The following MPPED2 variants were observed in gnomAD, a reference collection of about 807,000 sequenced individuals.
The protein encoded by MPPED2 is metallophosphoesterase domain containing 2.
A neutral mutation model predicts 33.0 loss-of-function variants in MPPED2; 5 were observed. The observed-to-expected ratio is 0.15, with a 90% CI of 0.08 to 0.32. The LOEUF (loss-of-function observed/expected upper bound fraction) is 0.32. MPPED2 is among the 10% of genes least tolerant of loss of function. MPPED2 has a pLI of 1.00. For missense variants in MPPED2, 275 were observed against 372.1 expected (o/e 0.74, Z 2.15); for synonymous variants, 136 against 141.9 (o/e 0.96, Z 0.29).
exon 7 of MPPED2, chr11:30,386,666 T>C: frequency 2.5e-6 from 1 of 398,510 alleles, no homozygotes; most frequent in South Asian, 1.3e-4. Flanking sequence ...CCCAAATAAA[T>C]GAATGAACAG....
intron 4 of MPPED2, among the ~76,000 whole-genome samples, chr11:30,428,408 T>C (rs1948937976): frequency 6.6e-6 from 1 of 152,138 alleles, no homozygotes; most frequent in Admixed American, 6.5e-5. Context: ...GCATGGTGGC[T>C]CATGATTGTA....
At chr11:30,420,159 C>T (rs1948548243) in intron 4 of MPPED2, among the ~76,000 whole-genome samples, 1 of 152,100 alleles carries the variant, frequency 6.6e-6, no homozygotes, top group East Asian at 1.9e-4. Flanking sequence ...TAAGATTATC[C>T]TGGATTATCT....
intron 4 of MPPED2, among the ~76,000 whole-genome samples, chr11:30,462,909 G>A (rs1213266237): frequency 2.0e-5 from 3 of 152,158 alleles, no homozygotes; most frequent in African/African-American, 7.2e-5. Flanking sequence ...TTTAAATCTG[G>A]AAAGAAAAGG....
chr11:30,479,859 C>T (rs773462871), intron 4 of MPPED2, among the ~76,000 whole-genome samples: 2 of 152,026 alleles, frequency 1.3e-5, no homozygotes, highest in African/African-American at 4.8e-5. Context: ...GAGAAATTTG[C>T]TAATTGCTCT....
intron 4 of MPPED2, among the ~76,000 whole-genome samples, chr11:30,436,430 CAG>C (rs1364303455): frequency 6.6e-6 from 1 of 152,120 alleles, no homozygotes; most frequent in Non-Finnish European, 1.5e-5. Flanking sequence ...GTCTTGGGAC[CAG>C]AGTTTAAGAA....
intron 4 of MPPED2, among the ~76,000 whole-genome samples, chr11:30,433,306 T>C (rs947796083): frequency 9.8e-5 from 15 of 152,376 alleles, no homozygotes; most frequent in Admixed American, 3.9e-4. Flanking sequence ...TTTGATGTAA[T>C]GGATCCTGTT....
At chr11:30,507,952 T>G (rs1453763656) in intron 3 of MPPED2, among the ~76,000 whole-genome samples, 1 of 152,044 alleles carries the variant, frequency 6.6e-6, no homozygotes, top group Non-Finnish European at 1.5e-5. Flanking sequence ...GAATTGGAGG[T>G]CTATTTTACT....
At chr11:30,556,382 T>A (rs1356056580) in intron 2 of MPPED2, among the ~76,000 whole-genome samples, 1 of 152,202 alleles carries the variant, frequency 6.6e-6, no homozygotes, top group Non-Finnish European at 1.5e-5. Context: ...TCCTAGGTCA[T>A]GCTTCTCTAT....
chr11:30,464,264 T>C (rs183362216), intron 4 of MPPED2, among the ~76,000 whole-genome samples: 21 of 86,856 alleles, frequency 2.4e-4, no homozygotes, highest in Admixed American at 5.3e-4. Flanking sequence ...CATGAAAGGA[T>C]ACTAACACAC....
chr11:30,544,054 G>A (rs1955279114), intron 2 of MPPED2, among the ~76,000 whole-genome samples: 1 of 152,080 alleles, frequency 6.6e-6, no homozygotes, highest in Non-Finnish European at 1.5e-5. Context: ...TCTTACAAAA[G>A]TACAGTGCCG....
chr11:30,468,845 C>T (rs779863774), intron 4 of MPPED2: 6 of 152,226 alleles, frequency 3.9e-5, no homozygotes, highest in Non-Finnish European at 8.8e-5. Flanking sequence ...CTTCCAGGGA[C>T]CCTTGTAATT....
intron 3 of MPPED2, among the ~76,000 whole-genome samples, chr11:30,506,038 T>C (rs1952809662): frequency 6.6e-6 from 1 of 151,976 alleles, no homozygotes; most frequent in Non-Finnish European, 1.5e-5. Context: ...ATTGTTATTA[T>C]TATTATTATT....
At chr11:30,490,543 T>C (rs1951930052) in intron 4 of MPPED2, among the ~76,000 whole-genome samples, 1 of 152,030 alleles carries the variant, frequency 6.6e-6, no homozygotes, top group Non-Finnish European at 1.5e-5. Context: ...GGGAGCCCCT[T>C]TCCTTCCAGA....
intron 4 of MPPED2, among the ~76,000 whole-genome samples, chr11:30,464,738 A>AT (rs1187602879): frequency 6.6e-6 from 1 of 152,226 alleles, no homozygotes; most frequent in Non-Finnish European, 1.5e-5. Flanking sequence ...ATTCACTTTT[A>AT]TGGTTTATAA....
At chr11:30,440,191 G>A (rs774253286) in intron 4 of MPPED2, among the ~76,000 whole-genome samples, 17 of 152,088 alleles carry the variant, frequency 1.1e-4, no homozygotes, top group Non-Finnish European at 1.9e-4. Context: ...CTAGCCGGGC[G>A]TGGTGGCAGA....
At chr11:30,415,244 C>T (rs1248710583) in intron 5 of MPPED2, among the ~76,000 whole-genome samples, 1 of 152,158 alleles carries the variant, frequency 6.6e-6, no homozygotes, top group Admixed American at 6.5e-5. Flanking sequence ...TCTGTAAAGA[C>T]ATATTCGCTG....
At chr11:30,399,156 C>T (rs1947876364) in intron 6 of MPPED2, among the ~76,000 whole-genome samples, 1 of 92,226 alleles carries the variant, frequency 1.1e-5, no homozygotes, top group South Asian at 3.2e-4. Context: ...AAAAAAAGAT[C>T]CAATACTTTT....
At chr11:30,519,045 C>T (rs976167495) in intron 3 of MPPED2, among the ~76,000 whole-genome samples, 2 of 151,796 alleles carry the variant, frequency 1.3e-5, no homozygotes, top group African/African-American at 4.8e-5. Context: ...CTTTGAAAGG[C>T]CGGGGCGGGA....
downstream of MPPED2, among the ~76,000 whole-genome samples, chr11:30,409,370 A>G (rs1026972397): frequency 6.6e-6 from 1 of 152,194 alleles, no homozygotes; most frequent in African/African-American, 2.4e-5. Context: ...GTTAGCTGCA[A>G]CAGTCATGAG....
Sources: allele counts gnomAD v4.1 joint callset (sites outside exome capture counted in the v4.1 genomes callset), GRCh38; gene constraint gnomAD v4.1.1; transcripts MANE v1.5; gene names NCBI Gene and HGNC (gene_info 2026-07-23, HGNC 2026-07-21).